BCAR3: variants seen among roughly 807,000 people sequenced by gnomAD.
The protein encoded by BCAR3 is BCAR3 adaptor protein, NSP family member, also known as breast cancer anti-estrogen resistance protein 3.
In BCAR3, 37 loss-of-function variants were observed where a neutral mutation model predicts 80.1. That is an observed-to-expected ratio of 0.46 (90% CI 0.36 to 0.61). BCAR3 has a LOEUF of 0.61. Among genes scored for constraint, BCAR3 ranks in the 20% least tolerant of loss-of-function variants. The probability of loss-of-function intolerance (pLI) is 0.00; values close to 1 mark genes in which losing one functional copy is unlikely to be tolerated. For missense variants in BCAR3, 978 were observed against 1,068.2 expected (o/e 0.92, Z 1.18); for synonymous variants, 389 against 418.9 (o/e 0.93, Z 0.87).
intron 3 of BCAR3, among the ~76,000 whole-genome samples, chr1:93,612,688 C>G (rs1282497735): frequency 2.0e-5 from 3 of 152,184 alleles, no homozygotes; most frequent in African/African-American, 7.2e-5. Flanking sequence ...ACTTCATCTG[C>G]CCCACACTTG....
intron 2 of BCAR3, among the ~76,000 whole-genome samples, chr1:93,789,690 C>G (rs1173174557): frequency 6.6e-6 from 1 of 152,120 alleles, no homozygotes; most frequent in Non-Finnish European, 1.5e-5. Context: ...TATTGTTCAC[C>G]CCTACATGAA....
At chr1:93,610,426 A>G (rs1024291783) in intron 3 of BCAR3, among the ~76,000 whole-genome samples, 1 of 152,104 alleles carries the variant, frequency 6.6e-6, no homozygotes, top group Non-Finnish European at 1.5e-5. Context: ...TGTCCATCCA[A>G]ATCCCCAGTT....
intron 3 of BCAR3, among the ~76,000 whole-genome samples, chr1:93,608,414 A>G (rs1674845527): frequency 6.6e-6 from 1 of 152,158 alleles, no homozygotes; most frequent in African/African-American, 2.4e-5. Flanking sequence ...CACTGACAAC[A>G]TCTTTAAACC....
intron 2 of BCAR3, among the ~76,000 whole-genome samples, chr1:93,744,492 G>A (rs1347734816): frequency 6.6e-6 from 1 of 152,146 alleles, no homozygotes; most frequent in Non-Finnish European, 1.5e-5. Context: ...ATCTCTCTCA[G>A]TCCACCAATC....
At chr1:93,660,598 C>CTGAT (rs1198227520) in intron 2 of BCAR3, among the ~76,000 whole-genome samples, 1 of 152,212 alleles carries the variant, frequency 6.6e-6, no homozygotes, top group African/African-American at 2.4e-5. Context: ...AGGTTATTTA[C>CTGAT]TGATGTTGGG....
intron 3 of BCAR3, among the ~76,000 whole-genome samples, chr1:93,635,539 G>C (rs1436479316): frequency 6.6e-6 from 1 of 152,150 alleles, no homozygotes; most frequent in Non-Finnish European, 1.5e-5. Flanking sequence ...TAGTAACACC[G>C]AACCTCCCAA....
chr1:93,725,952 C>G (rs1385431696), intron 2 of BCAR3, among the ~76,000 whole-genome samples: 2 of 152,180 alleles, frequency 1.3e-5, no homozygotes, highest in Non-Finnish European at 2.9e-5. Context: ...GCCAGTTTTT[C>G]CATTCTGGCA....
chr1:93,754,776 T>C (rs546890749), intron 2 of BCAR3, among the ~76,000 whole-genome samples: 22 of 152,328 alleles, frequency 1.4e-4, no homozygotes, highest in East Asian at 9.6e-4. Flanking sequence ...TTGATGATAA[T>C]AAATGACTAT....
At chr1:93,831,243 C>T (rs759907348) in intron 2 of BCAR3, among the ~76,000 whole-genome samples, 9 of 152,262 alleles carry the variant, frequency 5.9e-5, no homozygotes, top group Middle Eastern at 3.4e-3. Context: ...CCTGCTTCTC[C>T]GTGTCTCTAC....
At chr1:93,732,633 A>G (rs959047200) in intron 2 of BCAR3, among the ~76,000 whole-genome samples, 1 of 152,136 alleles carries the variant, frequency 6.6e-6, no homozygotes, top group African/African-American at 2.4e-5. Flanking sequence ...AGAAAAAAAA[A>G]CGAAAAGAAA....
At chr1:93,654,399 C>T (rs1312850975) in intron 2 of BCAR3, among the ~76,000 whole-genome samples, 1 of 152,088 alleles carries the variant, frequency 6.6e-6, no homozygotes, top group Non-Finnish European at 1.5e-5. Flanking sequence ...TCACCACCGA[C>T]AGCCAGGAAA....
intron 5 of BCAR3, among the ~76,000 whole-genome samples, chr1:93,588,365 G>A (rs545622088): frequency 1.4e-4 from 22 of 152,048 alleles, no homozygotes; most frequent in Non-Finnish European, 2.9e-4. Flanking sequence ...TCCTGCAGCC[G>A]GGGCCCTCCA....
chr1:93,779,199 G>A (rs1045897084), intron 2 of BCAR3, among the ~76,000 whole-genome samples: 1 of 147,388 alleles, frequency 6.8e-6, no homozygotes, highest in African/African-American at 2.6e-5. Context: ...GCCACCTAAT[G>A]ATTAACAAAA....
intron 3 of BCAR3, among the ~76,000 whole-genome samples, chr1:93,700,807 T>C (rs1174473959): frequency 6.6e-6 from 1 of 152,200 alleles, no homozygotes; most frequent in Non-Finnish European, 1.5e-5. Flanking sequence ...GGAAGAAACA[T>C]TTCATCAGTG....
chr1:93,636,394 T>C (rs1675780894), intron 3 of BCAR3, among the ~76,000 whole-genome samples: 2 of 152,212 alleles, frequency 1.3e-5, no homozygotes, highest in Non-Finnish European at 2.9e-5. Context: ...AAAGAGGACA[T>C]GCGTTCACTA....
intron 3 of BCAR3, among the ~76,000 whole-genome samples, chr1:93,636,559 A>C (rs1291134333): frequency 6.6e-6 from 1 of 152,154 alleles, no homozygotes; most frequent in African/African-American, 2.4e-5. Flanking sequence ...TTTGAAAAAA[A>C]AAAACAAAAA....
chr1:93,667,066 A>G (rs574897961), intron 2 of BCAR3, among the ~76,000 whole-genome samples: 3 of 152,348 alleles, frequency 2.0e-5, no homozygotes, highest in South Asian at 4.1e-4. Context: ...CTTTGAGGAC[A>G]TGGAGACTCA....
At chr1:93,739,183 G>A (rs1400535059) in intron 2 of BCAR3, among the ~76,000 whole-genome samples, 5 of 152,160 alleles carry the variant, frequency 3.3e-5, no homozygotes, top group African/African-American at 1.2e-4. Context: ...TCCTCTCTGG[G>A]TGGCATGGTT....
chr1:93,811,693 G>GT (rs1254206390), intron 2 of BCAR3, among the ~76,000 whole-genome samples: 1 of 152,166 alleles, frequency 6.6e-6, no homozygotes, highest in East Asian at 1.9e-4. Flanking sequence ...TCTTCCACAG[G>GT]TAATCCTGGC....
Sources: allele counts gnomAD v4.1 joint callset (sites outside exome capture counted in the v4.1 genomes callset), GRCh38; gene constraint gnomAD v4.1.1; transcripts MANE v1.5; gene names NCBI Gene and HGNC (gene_info 2026-07-23, HGNC 2026-07-21).